SUMF1: variants seen among roughly 807,000 people sequenced by gnomAD.
SUMF1 encodes sulfatase modifying factor 1, also known as formylglycine-generating enzyme.
In SUMF1, 48 loss-of-function variants were observed where a neutral mutation model predicts 47.6. The observed-to-expected ratio is 1.01, with a 90% confidence interval of 0.80 to 1.28. The LOEUF (loss-of-function observed/expected upper bound fraction) is 1.28, where lower values mean the gene tolerates loss of function less well. Ranked by LOEUF, SUMF1 falls within the 50% of genes most tolerant of loss-of-function variation. SUMF1 has a pLI of 0.00. For missense variants in SUMF1, 571 were observed against 485.4 expected (o/e 1.18, Z -1.66); for synonymous variants, 230 against 192.1 (o/e 1.20, Z -1.63).
chr3:4,289,277 CT>C (rs1260810885), intron 8 of SUMF1, among the ~76,000 whole-genome samples: 1 of 152,230 alleles, frequency 6.6e-6, no homozygotes, highest in East Asian at 1.9e-4. Context: ...TCCTCCTTCT[CT>C]TAGCACTTAC....
At chr3:4,223,551 C>G (rs1425137475) in intron 8 of SUMF1, among the ~76,000 whole-genome samples, 1 of 152,132 alleles carries the variant, frequency 6.6e-6, no homozygotes, top group African/African-American at 2.4e-5. Flanking sequence ...GGTTTCGTGA[C>G]ATGAGACAGA....
chr3:4,227,088 A>G (rs1031164745), intron 8 of SUMF1, among the ~76,000 whole-genome samples: 1 of 152,078 alleles, frequency 6.6e-6, no homozygotes, highest in Admixed American at 6.6e-5. Context: ...GCCCCATTCT[A>G]GCCCTCAACT....
At chr3:4,223,567 C>A (rs1234316969) in intron 8 of SUMF1, among the ~76,000 whole-genome samples, 1 of 152,124 alleles carries the variant, frequency 6.6e-6, no homozygotes, top group Non-Finnish European at 1.5e-5. Context: ...ACAGAGGCCA[C>A]TTCTCATTCA....
intron 1 of SUMF1, among the ~76,000 whole-genome samples, chr3:4,464,228 T>C (rs1320446152): frequency 7.2e-5 from 11 of 152,198 alleles, no homozygotes; most frequent in African/African-American, 2.4e-4. Context: ...TGGAATTCCA[T>C]TCCCAGCTCC....
At chr3:4,413,531 C>G (rs1701612246) in intron 6 of SUMF1, among the ~76,000 whole-genome samples, 1 of 152,022 alleles carries the variant, frequency 6.6e-6, no homozygotes, top group Non-Finnish European at 1.5e-5. Flanking sequence ...TGTTAACTGC[C>G]TGCTATTAAA....
chr3:4,351,461 C>T (rs934190053), intron 8 of SUMF1, among the ~76,000 whole-genome samples: 3 of 148,070 alleles, frequency 2.0e-5, no homozygotes, highest in African/African-American at 4.9e-5. Context: ...ATGAGGATGA[C>T]GCAGCACACT....
chr3:4,113,842 C>T (rs1283683572), intron 8 of SUMF1, among the ~76,000 whole-genome samples: 2 of 151,982 alleles, frequency 1.3e-5, no homozygotes, highest in Admixed American at 1.3e-4. Context: ...AAAGTTAATC[C>T]ACAGATCCGG....
At chr3:4,317,061 TACC>T (rs1161752471) in intron 8 of SUMF1, 1 of 1,549,200 alleles carries the variant, frequency 6.5e-7, no homozygotes, top group Admixed American at 2.0e-5. Context: ...GCCAACCAAC[TACC>T]ACGTCTTTAA....
chr3:4,144,711 C>G (rs780576572), intron 8 of SUMF1, among the ~76,000 whole-genome samples: 2 of 152,090 alleles, frequency 1.3e-5, no homozygotes, highest in African/African-American at 4.8e-5. Context: ...TTACCCTACT[C>G]TATGTAAAAT....
At position 4,456,718 on chromosome 3, in the gene SUMF1, A is replaced by ATGTGTG. The variant is rs1491472497; in HGVS notation, c.271-3670_271-3669insCACACA. 3.1e-5 allele frequency among the ~76,000 whole-genome samples: 4 copies of ATGTGTG among 130,490 alleles called. No individual in the cohort carries two copies. The East Asian group carries it at 9.1e-4, about 30-fold the overall frequency. 85.6% of individuals were successfully genotyped at this position (130,490 alleles called of 152,430 possible). On this transcript the variant is annotated intron_variant, in intron 1 of 8. Coordinates refer to ENST00000272902, the MANE Select transcript of SUMF1 (RefSeq NM_182760.4). ...TATATATATATACGTATATATATAC[A>ATGTGTG]TATATATACGTGTGTATATATACAC... is the stretch of plus-strand genomic sequence containing the variant.
rs186083738 is a variant in SUMF1, at chr3:4,283,322, A to G, written c.1014+93008T>C. Among the ~76,000 whole-genome samples the G allele has an allele frequency of 9.3e-4, 142 of 152,344 alleles. 1 individual carries two copies. The highest frequency in any genetic ancestry group is 5.5e-3 in the Admixed American group (84 of 15,296). ...ATTTCATCCTTTTATTGTTGTTAAA[A>G]AAGAACTATACGTTCAACTAGAACT... On this transcript the variant is annotated intron_variant and NMD_transcript_variant, in intron 8 of 12. Transcript: ENST00000448413.
At chr3:4,146,161 G>T (rs1242276356) in intron 8 of SUMF1, among the ~76,000 whole-genome samples, 2 of 152,096 alleles carry the variant, frequency 1.3e-5, no homozygotes, top group Non-Finnish European at 2.9e-5. Flanking sequence ...AGAATCGCAC[G>T]TGTGTTCTGG....
rs2079979067 is a variant in SUMF1, at chr3:4,467,197, C to T, written c.49G>A (p.Gly17Ser). Reference protein sequence around the residue: ...GLVCGRCPELGLVLLLLLLSL... With the variant: ...GLVCGRCPELSLVLLLLLLSL... ...AGCAGCAGCAGCAAGAGGACGAGAC[C>T]CAGCTCAGGGCAACGTCCACACACC... Residue 17 changes from glycine to serine, a missense_variant, in exon 1 of 9, where the codon GGT becomes AGT. Transcript: ENST00000272902. The T allele has an allele frequency of 2.5e-6, 4 of 1,611,164 alleles. No individual in the cohort carries two copies. Among genetic ancestry groups the T allele is most frequent in the African/African-American group, 1.3e-5 (1 of 74,856 alleles).
At chr3:4,189,868 T>C (rs1416431055) in intron 8 of SUMF1, among the ~76,000 whole-genome samples, 1 of 152,162 alleles carries the variant, frequency 6.6e-6, no homozygotes, top group East Asian at 1.9e-4. Flanking sequence ...AAAATGTTCC[T>C]CCAACAGATT....
intron 8 of SUMF1, among the ~76,000 whole-genome samples, chr3:4,259,460 T>C (rs1697037953): frequency 6.6e-6 from 1 of 152,194 alleles, no homozygotes; most frequent in Non-Finnish European, 1.5e-5. Context: ...AGTATGAAAA[T>C]CTCAAATGTG....
chr3:4,341,097 T>G (rs1490859163), intron 8 of SUMF1, among the ~76,000 whole-genome samples: 1 of 152,178 alleles, frequency 6.6e-6, no homozygotes, highest in African/African-American at 2.4e-5. Context: ...AGAGAACATT[T>G]TCTCCTGAAC....
intron 8 of SUMF1, among the ~76,000 whole-genome samples, chr3:4,245,776 C>A (rs763439122): frequency 6.6e-6 from 1 of 152,194 alleles, no homozygotes; most frequent in African/African-American, 2.4e-5. Flanking sequence ...CTCTTCAGAG[C>A]TGTCAGGCAG....
downstream of SUMF1, among the ~76,000 whole-genome samples, chr3:4,357,670 G>A (rs1342562254): frequency 1.3e-5 from 2 of 151,464 alleles, no homozygotes; most frequent in Admixed American, 6.6e-5. Context: ...GTGCAATGGC[G>A]CGATCTCGGC....
At chr3:4,235,653 G>T (rs569760683) in intron 8 of SUMF1, among the ~76,000 whole-genome samples, 1 of 152,006 alleles carries the variant, frequency 6.6e-6, no homozygotes, top group African/African-American at 2.4e-5. Context: ...ACTTACAAGG[G>T]AACATCCTAG....
Sources: gnomAD v4.1 joint callset for allele counts (sites outside exome capture counted in the v4.1 genomes callset) on GRCh38, gnomAD v4.1.1 for gene constraint, MANE v1.5 for transcripts, NCBI Gene and HGNC (gene_info 2026-07-23, HGNC 2026-07-21) for gene names.